The following SLC24A2 variants were observed in gnomAD, a reference collection of about 807,000 sequenced individuals.
SLC24A2 encodes sodium/potassium/calcium exchanger 2.
Under a neutral mutation model 62.0 loss-of-function variants are expected in SLC24A2, and 36 were observed. The ratio of observed to expected loss-of-function variants is 0.58; its 90% CI spans 0.44 to 0.77. The LOEUF (loss-of-function observed/expected upper bound fraction) is 0.77, where lower values mean the gene tolerates loss of function less well. Ranked by LOEUF, SLC24A2 falls within the 30% of genes least tolerant of loss-of-function variation. The pLI is 0.00. For synonymous variants in SLC24A2, 358 were observed against 294.0 expected (o/e 1.22, Z -2.23); for missense variants, 846 against 817.9 (o/e 1.03, Z -0.42).
chr9:19,980,993 A>T, the SLC24A2 span, among the ~76,000 whole-genome samples: 2 of 152,192 alleles, frequency 1.3e-5, no homozygotes, highest in Non-Finnish European at 2.9e-5. Context: ...TATCTCCCCA[A>T]GAGGGTAACA....
At chr9:20,125,141 A>T in the SLC24A2 span, among the ~76,000 whole-genome samples, 1 of 152,180 alleles carries the variant, frequency 6.6e-6, no homozygotes, top group African/African-American at 2.4e-5. Context: ...GATTAGTACA[A>T]GGTGCTGTGA....
At chr9:20,070,534 A>T in the SLC24A2 span, among the ~76,000 whole-genome samples, 133 of 152,362 alleles carry the variant, frequency 8.7e-4, no homozygotes, top group African/African-American at 2.8e-3. Context: ...TCAGGTTAGA[A>T]AGGCGGTGTG....
At chr9:19,611,685 T>C (rs528514681) in intron 4 of SLC24A2, among the ~76,000 whole-genome samples, 4 of 151,996 alleles carry the variant, frequency 2.6e-5, no homozygotes, top group East Asian at 1.9e-4. Context: ...GTGAAATAAA[T>C]TGGACTCATG....
intron 2 of SLC24A2, among the ~76,000 whole-genome samples, chr9:19,706,881 C>T (rs904123247): frequency 4.4e-4 from 67 of 151,804 alleles, no homozygotes; most frequent in African/African-American, 1.4e-3. Flanking sequence ...CAAAAGCTAG[C>T]GGAAGGCAAG....
chr9:19,875,761 T>C, the SLC24A2 span, among the ~76,000 whole-genome samples: 1 of 152,214 alleles, frequency 6.6e-6, no homozygotes, highest in Non-Finnish European at 1.5e-5. Flanking sequence ...GATGAACAGC[T>C]GCCAATTCTT....
intron 2 of SLC24A2, among the ~76,000 whole-genome samples, chr9:19,670,283 T>G (rs1819378095): frequency 6.6e-6 from 1 of 152,148 alleles, no homozygotes; most frequent in African/African-American, 2.4e-5. Flanking sequence ...CCTTATTAAG[T>G]TTTTTGACAT....
intron 7 of SLC24A2, among the ~76,000 whole-genome samples, chr9:19,566,051 A>G (rs1835636449): frequency 6.6e-6 from 1 of 152,212 alleles, no homozygotes; most frequent in Admixed American, 6.5e-5. Context: ...GGACATAGGC[A>G]TGGGCAAGGA....
At chr9:19,933,036 G>T in the SLC24A2 span, among the ~76,000 whole-genome samples, 1 of 152,234 alleles carries the variant, frequency 6.6e-6, no homozygotes, top group African/African-American at 2.4e-5. Context: ...TCCCAGCCCT[G>T]GGGCAGGAGG....
At chr9:19,564,040 A>G (rs1835548331) in intron 7 of SLC24A2, among the ~76,000 whole-genome samples, 1 of 151,746 alleles carries the variant, frequency 6.6e-6, no homozygotes, top group African/African-American at 2.4e-5. Flanking sequence ...TTTTTGGTAG[A>G]GAGAGTGTTT....
the SLC24A2 span, among the ~76,000 whole-genome samples, chr9:19,992,739 A>T: frequency 6.6e-6 from 1 of 152,196 alleles, no homozygotes; most frequent in Non-Finnish European, 1.5e-5. Flanking sequence ...TCCTCTGCAC[A>T]TTGGCAGAAA....
chr9:20,142,530 CACA>C, the SLC24A2 span, among the ~76,000 whole-genome samples: 2 of 150,916 alleles, frequency 1.3e-5, no homozygotes, highest in Non-Finnish European at 2.9e-5. Context: ...GTTTCTACGA[CACA>C]ACTATTTTCT....
At chr9:19,558,408 T>C (rs1253402974) in intron 7 of SLC24A2, among the ~76,000 whole-genome samples, 1 of 152,200 alleles carries the variant, frequency 6.6e-6, no homozygotes, top group Non-Finnish European at 1.5e-5. Flanking sequence ...GAAAAAGGTA[T>C]AGAGATTTAG....
intron 2 of SLC24A2, among the ~76,000 whole-genome samples, chr9:19,635,901 A>G (rs1347118385): frequency 6.6e-6 from 1 of 152,226 alleles, no homozygotes; most frequent in East Asian, 1.9e-4. Context: ...CCATGTGTGT[A>G]CATTTTGTAT....
the SLC24A2 span, among the ~76,000 whole-genome samples, chr9:20,215,939 T>C: frequency 6.6e-6 from 1 of 152,198 alleles, no homozygotes; most frequent in South Asian, 2.1e-4. Context: ...TGTACAGCCA[T>C]TAATTCAAGT....
Position 19,637,094 on chromosome 9 carries a change from G to A in SLC24A2, c.931-14795C>T, listed in dbSNP as rs140901195. ...GCATTAGTATCAAATGCTAACTGAC[G>A]GAAAGGAGGAATTCCAAAAGGACCC... On this transcript the variant is annotated intron_variant, in intron 2 of 10. Transcript: ENST00000341998. 1.9e-4 allele frequency among the ~76,000 whole-genome samples: 29 copies of A among 152,230 alleles called. 1 individual carries two copies. Among genetic ancestry groups the A allele is most frequent in the African/African-American group, 6.5e-4 (27 of 41,538 alleles).
At chr9:20,218,034 C>G in the SLC24A2 span, among the ~76,000 whole-genome samples, 1 of 152,200 alleles carries the variant, frequency 6.6e-6, no homozygotes. Flanking sequence ...TGGGTATGAT[C>G]TGTGGATTGG....
chr9:20,303,830 A>G, the SLC24A2 span, among the ~76,000 whole-genome samples: 1 of 152,242 alleles, frequency 6.6e-6, no homozygotes, highest in Non-Finnish European at 1.5e-5. Flanking sequence ...CTGTGTTCCT[A>G]GTCTTTGCAT....
the SLC24A2 span, among the ~76,000 whole-genome samples, chr9:20,076,734 G>A: frequency 1.3e-5 from 2 of 151,770 alleles, no homozygotes. Context: ...AGGGGCAGAT[G>A]GAGAAAAGTG....
chr9:20,281,509 T>C, the SLC24A2 span, among the ~76,000 whole-genome samples: 5 of 152,188 alleles, frequency 3.3e-5, no homozygotes, highest in Non-Finnish European at 7.3e-5. Flanking sequence ...AAAACCATAA[T>C]GCTGATGTCT....
Sources: gnomAD v4.1 joint callset for allele counts (sites outside exome capture counted in the v4.1 genomes callset) on GRCh38, gnomAD v4.1.1 for gene constraint, MANE v1.5 for transcripts, NCBI Gene and HGNC (gene_info 2026-07-23, HGNC 2026-07-21) for gene names.